The following RABGAP1L variants were observed in gnomAD, a reference collection of about 807,000 sequenced individuals.
RABGAP1L encodes rab GTPase-activating protein 1-like.
In RABGAP1L, 63 loss-of-function variants were observed where a neutral mutation model predicts 137.7. The ratio of observed to expected loss-of-function variants is 0.46; its 90% CI spans 0.37 to 0.56. The LOEUF (loss-of-function observed/expected upper bound fraction) is 0.56. Among genes scored for constraint, RABGAP1L ranks in the 20% least tolerant of loss-of-function variants. The pLI, the probability that RABGAP1L is intolerant of heterozygous loss-of-function variation, is 0.00. For missense variants in RABGAP1L, 1,095 were observed against 1,244.0 expected (o/e 0.88, Z 1.80); for synonymous variants, 431 against 433.7 (o/e 0.99, Z 0.08).
intron 13 of RABGAP1L, among the ~76,000 whole-genome samples, chr1:174,572,016 C>T (rs530735784): frequency 2.3e-4 from 35 of 152,242 alleles, no homozygotes; most frequent in African/African-American, 6.5e-4. Flanking sequence ...AAGTTTTGCT[C>T]TGCTTCCCTA....
intron 13 of RABGAP1L, among the ~76,000 whole-genome samples, chr1:174,463,267 G>A (rs1317823118): frequency 6.6e-6 from 1 of 152,036 alleles, no homozygotes; most frequent in African/African-American, 2.4e-5. Context: ...TAACCCAAAT[G>A]TCCAACAATG....
intron 19 of RABGAP1L, among the ~76,000 whole-genome samples, chr1:174,861,625 T>C (rs991558786): frequency 6.6e-6 from 1 of 151,850 alleles, no homozygotes; most frequent in Non-Finnish European, 1.5e-5. Context: ...TGTTATCTCT[T>C]TTTTTTTAAA....
intron 13 of RABGAP1L, among the ~76,000 whole-genome samples, chr1:174,548,931 T>C (rs779796948): frequency 2.4e-4 from 36 of 152,228 alleles, no homozygotes; most frequent in Non-Finnish European, 4.3e-4. Context: ...TTTTCAATTA[T>C]GAAAATGTTT....
Position 174,221,043 on chromosome 1 carries a change from A to G in RABGAP1L, c.210A>G (p.Pro70=), listed in dbSNP as rs1035181268. The G allele has an allele frequency of 1.9e-6, 3 of 1,613,938 alleles. No individual in the cohort carries two copies. The highest frequency in any genetic ancestry group is 2.5e-6 in the Non-Finnish European group (3 of 1,179,906). Residue 70 remains proline (P), a synonymous_variant, in exon 3 of 26, where the codon CCA becomes CCG. Coordinates refer to ENST00000681986, the MANE Select transcript of RABGAP1L (RefSeq NM_001366446.1). ...EEILRDSEKR[P]SSLLVDCQSS... ...TTTTGAGAGATTCCGAGAAAAGGCC[A>G]AGCAGTCTTCTTGTTGATTGTCAAA...
chr1:174,934,813 G>T (rs1478492620), intron 19 of RABGAP1L: 2 of 148,736 alleles, frequency 1.3e-5, no homozygotes, highest in Admixed American at 1.3e-4. Flanking sequence ...GTGTGTGTAT[G>T]TGTGTGTATA....
chr1:174,440,861 A>G (rs957256524), intron 13 of RABGAP1L, among the ~76,000 whole-genome samples: 1 of 151,824 alleles, frequency 6.6e-6, no homozygotes, highest in African/African-American at 2.4e-5. Context: ...ACTGGTCTCT[A>G]TTTGTTTACC....
chr1:174,584,624 A>G (rs1254136801), intron 13 of RABGAP1L, among the ~76,000 whole-genome samples: 2 of 152,146 alleles, frequency 1.3e-5, no homozygotes, highest in East Asian at 1.9e-4. Flanking sequence ...AAATATATAT[A>G]TCATTCTTGG....
At chr1:174,821,247 A>G (rs1485777277) in intron 19 of RABGAP1L, among the ~76,000 whole-genome samples, 1 of 152,190 alleles carries the variant, frequency 6.6e-6, no homozygotes, top group Non-Finnish European at 1.5e-5. Context: ...GGTAGCGGGA[A>G]TGAGGGAATG....
chr1:174,294,980 G>A (rs530572180), intron 10 of RABGAP1L, among the ~76,000 whole-genome samples: 28 of 151,854 alleles, frequency 1.8e-4, no homozygotes, highest in Non-Finnish European at 3.5e-4. Flanking sequence ...GTGCAGTAGT[G>A]TGCTCTTGGC....
At chr1:174,505,811 G>A (rs544229363) in intron 13 of RABGAP1L, among the ~76,000 whole-genome samples, 1 of 152,226 alleles carries the variant, frequency 6.6e-6, no homozygotes, top group African/African-American at 2.4e-5. Context: ...TATATCCAAA[G>A]GAAATGTAAT....
At chr1:174,184,868 A>C (rs1666676664) in intron 1 of RABGAP1L, among the ~76,000 whole-genome samples, 1 of 152,184 alleles carries the variant, frequency 6.6e-6, no homozygotes, top group African/African-American at 2.4e-5. Context: ...CTCTTTATTT[A>C]TTTCTTCAAT....
intron 18 of RABGAP1L, among the ~76,000 whole-genome samples, chr1:174,767,371 A>G (rs1216242216): frequency 6.6e-6 from 1 of 152,128 alleles, no homozygotes; most frequent in Non-Finnish European, 1.5e-5. Context: ...TTTTTTGATG[A>G]TACTTTGTGG....
chr1:174,522,102 G>GTT (rs1553321200), intron 13 of RABGAP1L, among the ~76,000 whole-genome samples: 1 of 151,636 alleles, frequency 6.6e-6, no homozygotes, highest in Non-Finnish European at 1.5e-5. Context: ...GTAGTAGTTG[G>GTT]TTTTCAAGAT....
chr1:174,493,341 A>C (rs895330534), intron 13 of RABGAP1L, among the ~76,000 whole-genome samples: 1 of 151,584 alleles, frequency 6.6e-6, no homozygotes, highest in Non-Finnish European at 1.5e-5. Flanking sequence ...AGCCTGGGCA[A>C]CAGAGCAGAG....
chr1:174,627,500 A>C (rs961892936), intron 13 of RABGAP1L, among the ~76,000 whole-genome samples: 2 of 152,254 alleles, frequency 1.3e-5, no homozygotes, highest in Admixed American at 6.5e-5. Context: ...TCTTGATAAC[A>C]GGCACTAAAT....
At chr1:174,347,438 T>C (rs1472553663) in intron 11 of RABGAP1L, among the ~76,000 whole-genome samples, 1 of 151,222 alleles carries the variant, frequency 6.6e-6, no homozygotes, top group Admixed American at 6.6e-5. Context: ...TGTTGCTGAA[T>C]TGACCCCTTT....
intron 19 of RABGAP1L, among the ~76,000 whole-genome samples, chr1:174,859,638 G>A (rs1328238372): frequency 6.6e-6 from 1 of 152,058 alleles, no homozygotes; most frequent in Non-Finnish European, 1.5e-5. Context: ...TTACAAGTGG[G>A]TGCTAAATGA....
intron 19 of RABGAP1L, chr1:174,935,270 A>AT (rs1664570425): frequency 6.6e-6 from 1 of 152,166 alleles, no homozygotes; most frequent in African/African-American, 2.4e-5. Context: ...TTACTGCAAA[A>AT]TTTTTGTAAA....
At chr1:174,690,154 C>T (rs1678773016) in intron 15 of RABGAP1L, among the ~76,000 whole-genome samples, 1 of 152,130 alleles carries the variant, frequency 6.6e-6, no homozygotes, top group Admixed American at 6.6e-5. Flanking sequence ...TGAACTCTTT[C>T]AAAGGATACT....
Sources: gnomAD v4.1 joint callset for allele counts (sites outside exome capture counted in the v4.1 genomes callset) on GRCh38, gnomAD v4.1.1 for gene constraint, MANE v1.5 for transcripts, NCBI Gene and HGNC (gene_info 2026-07-23, HGNC 2026-07-21) for gene names.